AZIN1: variants seen among roughly 807,000 people sequenced by gnomAD.
AZIN1 encodes the protein antizyme inhibitor 1.
A neutral mutation model predicts 47.4 loss-of-function variants in AZIN1; 12 were observed. That is an observed-to-expected ratio of 0.25 (90% confidence interval 0.16 to 0.41). AZIN1 has a LOEUF of 0.41. AZIN1 is among the 10% of genes least tolerant of loss of function. AZIN1 has a pLI of 1.00. For missense variants in AZIN1, 410 were observed against 532.4 expected, an observed-to-expected ratio of 0.77 and a Z score of 2.26; for synonymous variants, 155 against 176.3, an observed-to-expected ratio of 0.88 and a Z score of 0.96.
chr8:102,837,077 C>T (rs1217982990), intron 5 of AZIN1, among the ~76,000 whole-genome samples: 1 of 152,058 alleles, frequency 6.6e-6, no homozygotes, highest in Non-Finnish European at 1.5e-5. Context: ...CACCACCACG[C>T]CCAGCTAATT....
intron 2 of AZIN1, among the ~76,000 whole-genome samples, chr8:102,848,786 A>G (rs1378935128): frequency 6.6e-6 from 1 of 152,230 alleles, no homozygotes; most frequent in Admixed American, 6.5e-5. Context: ...ATTGTTAAAA[A>G]AAAGAAAGGT....
intron 1 of AZIN1, among the ~76,000 whole-genome samples, chr8:102,861,989 T>C (rs993856672): frequency 6.6e-6 from 1 of 151,950 alleles, no homozygotes; most frequent in South Asian, 2.1e-4. Flanking sequence ...TAAGCCGAGA[T>C]TGTGCCACTG....
chr8:102,838,862 T>G lies in AZIN1; in HGVS notation c.331A>C (p.Ile111Leu), dbSNP rs146727615. The G allele has an allele frequency of 6.2e-7, 1 of 1,613,868 alleles. No individual in the cohort carries two copies. Among genetic ancestry groups the G allele is most frequent in the East Asian group, 2.2e-5 (1 of 44,870 alleles). The change falls in exon 5 of 12, where the codon ATA becomes CTA. Residue 111 changes from isoleucine to leucine, a missense_variant. Coordinates refer to ENST00000337198, the MANE Select transcript of AZIN1 (RefSeq NM_148174.4). ...LGVPPENIIY[I>L]SPCKQVSQIK... The stretch of plus-strand genomic sequence containing the variant: ...TGAGACACTTGCTTGCAAGGACTTA[T>G]GTAAATAATGTTTTCTGGAGGTACA...
intron 3 of AZIN1, among the ~76,000 whole-genome samples, chr8:102,841,278 A>G (rs1033087104): frequency 3.9e-5 from 6 of 152,220 alleles, no homozygotes; most frequent in Non-Finnish European, 5.9e-5. Flanking sequence ...GAGAGGACAA[A>G]CAAAAGGTGG....
In AZIN1 at chr8:102,828,668, G is replaced by A; in HGVS notation, c.1246C>T (p.Gln416Ter). Residue 416 changes from glutamine to a stop codon, truncating the protein, a stop_gained, in exon 12 of 12, where the codon CAA becomes TAA. Transcript: ENST00000337198. LOFTEE classifies it high-confidence loss of function. ...GAGTCTGAAGTAATTCCAGCATCTT[G>A]CATCTCATACCTACGTAGAAAAAAA... ...MMSFSDWYEMQDAGITSDSMM... is the reference protein window; with the variant it reads ...MMSFSDWYEM 1 of 1,603,250 alleles carries A rather than the reference G, an allele frequency of 6.2e-7. No homozygotes were observed. The highest frequency in any genetic ancestry group is 2.2e-5 in the East Asian group (1 of 44,652).
At chr8:102,860,477 C>T (rs1563553041) in intron 1 of AZIN1, among the ~76,000 whole-genome samples, 1 of 151,888 alleles carries the variant, frequency 6.6e-6, no homozygotes, top group African/African-American at 2.4e-5. Flanking sequence ...ATTGGCCAGG[C>T]TGGTCTCGAA....
chr8:102,842,643 G>T (rs2131234805), intron 3 of AZIN1, among the ~76,000 whole-genome samples: 2 of 151,020 alleles, frequency 1.3e-5, no homozygotes, highest in African/African-American at 4.9e-5. Flanking sequence ...GGAGGCGGAG[G>T]TTGCAGTGAG....
intron 2 of AZIN1, among the ~76,000 whole-genome samples, chr8:102,846,235 C>A (rs1812560575): frequency 6.6e-6 from 1 of 152,204 alleles, no homozygotes; most frequent in Non-Finnish European, 1.5e-5. Context: ...CAGTCAGGAT[C>A]CTCAGTACTT....
intron 2 of AZIN1, among the ~76,000 whole-genome samples, chr8:102,852,997 G>T (rs10100951): frequency 0.089 from 13,590 of 152,148 alleles, 1,540 homozygotes; most frequent in African/African-American, 0.26. Flanking sequence ...CTTTTTCATA[G>T]ATGCAATATC....
chr8:102,834,954 T>C (rs550963830), intron 6 of AZIN1: 2 of 505,418 alleles, frequency 4.0e-6, no homozygotes, highest in African/African-American at 3.9e-5. Flanking sequence ...AAGATAAAAC[T>C]GTAATTCTAT....
At chr8:102,837,749 A>G (rs2131217099) in intron 5 of AZIN1, among the ~76,000 whole-genome samples, 1 of 152,380 alleles carries the variant, frequency 6.6e-6, no homozygotes, top group Non-Finnish European at 1.5e-5. Flanking sequence ...ACACCATTAA[A>G]GTCAGTATGA....
chr8:102,863,644 G>C (rs1295141438), intron 1 of AZIN1, among the ~76,000 whole-genome samples, 163 bp downstream of exon 1: 1 of 148,830 alleles, frequency 6.7e-6, no homozygotes, highest in African/African-American at 2.4e-5. Context: ...CGCCGCCGCC[G>C]CCGGGGGCAC....
In AZIN1 at chr8:102,848,992, T is replaced by A. The variant is rs180901554; in HGVS notation, c.-95-5245A>T. 2.4e-3 allele frequency among the ~76,000 whole-genome samples: 365 copies of A among 152,190 alleles called. 2 individuals are homozygous for A. Among genetic ancestry groups the A allele is most frequent in the South Asian group, 0.021 (103 of 4,808 alleles). On this transcript the variant is annotated intron_variant, in intron 2 of 11. Transcript: ENST00000337198. ...AGTTTATACCTTACTCCAGATTCAC[T>A]AAGTTAATCTACCTCAATCTTCAAC...
chr8:102,832,366 GC>G (rs1400075060), intron 9 of AZIN1, among the ~76,000 whole-genome samples: 2 of 152,066 alleles, frequency 1.3e-5, no homozygotes, highest in Non-Finnish European at 2.9e-5. Flanking sequence ...TACAATATTA[GC>G]CAACAAGATG....
intron 2 of AZIN1, among the ~76,000 whole-genome samples, chr8:102,852,764 G>A (rs751502659): frequency 2.6e-5 from 4 of 152,086 alleles, no homozygotes; most frequent in African/African-American, 9.7e-5. Flanking sequence ...GTGGATTAAC[G>A]AAAAGGAGAG....
intron 2 of AZIN1, among the ~76,000 whole-genome samples, chr8:102,856,969 CAA>C (rs1011520176): frequency 1.1e-4 from 16 of 152,198 alleles, no homozygotes; most frequent in Non-Finnish European, 2.1e-4. Flanking sequence ...GTAATACACT[CAA>C]AAAAAGAAAT....
At chr8:102,858,374 C>A (rs953386697) in intron 1 of AZIN1, among the ~76,000 whole-genome samples, 19 of 152,128 alleles carry the variant, frequency 1.2e-4, no homozygotes, top group Non-Finnish European at 2.6e-4. Context: ...GATGTCATAG[C>A]CATCTTACCA....
At chr8:102,833,459 G>C (rs1274037158) in intron 8 of AZIN1, among the ~76,000 whole-genome samples, 1 of 143,592 alleles carries the variant, frequency 7.0e-6, no homozygotes, top group Non-Finnish European at 1.5e-5. Context: ...AATACCCACT[G>C]GTATTTGTTT....
chr8:102,833,751 CA>C (rs1469879360), intron 8 of AZIN1, among the ~76,000 whole-genome samples: 7 of 87,800 alleles, frequency 8.0e-5, no homozygotes, highest in Admixed American at 3.7e-4. Flanking sequence ...TAGAAAGACT[CA>C]ATTTTTTTTT....
Sources: allele counts gnomAD v4.1 joint callset (sites outside exome capture counted in the v4.1 genomes callset), GRCh38; gene constraint gnomAD v4.1.1; transcripts MANE v1.5; gene names NCBI Gene and HGNC (gene_info 2026-07-23, HGNC 2026-07-21).